NDRG3: variants seen among roughly 807,000 people sequenced by gnomAD.
The protein encoded by NDRG3 is protein NDRG3.
A neutral mutation model predicts 57.2 loss-of-function variants in NDRG3; 23 were observed. The observed-to-expected ratio is 0.40, with a 90% CI of 0.29 to 0.57. NDRG3 has a LOEUF of 0.57. Ranked by LOEUF, NDRG3 falls within the 20% of genes least tolerant of loss-of-function variation. The probability of loss-of-function intolerance (pLI) is 0.42; values close to 1 mark genes in which losing one functional copy is unlikely to be tolerated. For synonymous variants in NDRG3, 132 were observed against 162.6 expected, an observed-to-expected ratio of 0.81 and a Z score of 1.43; for missense variants, 384 against 457.3, an observed-to-expected ratio of 0.84 and a Z score of 1.46.
intron 15 of NDRG3, chr20:36,654,831 C>T (rs370271701): frequency 2.6e-6 from 2 of 779,656 alleles, no homozygotes; most frequent in Non-Finnish European, 4.8e-6. Flanking sequence ...CTGAGCTGCA[C>T]ATACGGGACT....
intron 5 of NDRG3, among the ~76,000 whole-genome samples, chr20:36,686,178 A>G (rs1981773127): frequency 6.6e-6 from 1 of 152,190 alleles, no homozygotes; most frequent in African/African-American, 2.4e-5. Flanking sequence ...AAAATAGAAA[A>G]AAGGAACTGG....
intron 12 of NDRG3, among the ~76,000 whole-genome samples, chr20:36,662,394 T>C (rs1342070519): frequency 6.6e-6 from 1 of 152,012 alleles, no homozygotes; most frequent in Non-Finnish European, 1.5e-5. Context: ...GTTTTTGTAT[T>C]TTTAGTAGAG....
intron 2 of NDRG3, among the ~76,000 whole-genome samples, chr20:36,719,665 A>G (rs759068422): frequency 4.0e-5 from 6 of 151,038 alleles, no homozygotes; most frequent in Non-Finnish European, 8.8e-5. Flanking sequence ...TGTCACCCGC[A>G]CACCCCCCCT....
intron 9 of NDRG3, among the ~76,000 whole-genome samples, chr20:36,669,624 T>C (rs999333744): frequency 2.0e-5 from 3 of 151,958 alleles, no homozygotes; most frequent in Non-Finnish European, 4.4e-5. Flanking sequence ...CTTGGCCTCC[T>C]AAAGTGCTGG....
chr20:36,669,235 T>A (rs1323653895), intron 9 of NDRG3, among the ~76,000 whole-genome samples: 1 of 151,654 alleles, frequency 6.6e-6, no homozygotes, highest in Non-Finnish European at 1.5e-5. Flanking sequence ...TTTGTATTTT[T>A]TTTTTTTTTC....
intron 3 of NDRG3, among the ~76,000 whole-genome samples, chr20:36,704,016 G>A (rs1983402653): frequency 1.3e-5 from 2 of 151,750 alleles, no homozygotes; most frequent in Admixed American, 6.6e-5. Context: ...TTTACTTTTT[G>A]GTGTTTTCTC....
chr20:36,692,350 A>C (rs1982333946), intron 3 of NDRG3, among the ~76,000 whole-genome samples: 1 of 152,122 alleles, frequency 6.6e-6, no homozygotes, highest in Non-Finnish European at 1.5e-5. Flanking sequence ...CAGTCTCCCA[A>C]GTAGCTGGGA....
intron 1 of NDRG3, among the ~76,000 whole-genome samples, chr20:36,735,749 G>C (rs1293133969): frequency 2.0e-5 from 3 of 152,074 alleles, no homozygotes; most frequent in Admixed American, 2.0e-4. Context: ...AGCACTTTGG[G>C]AGGCTGAGGT....
At chr20:36,705,937 G>A (rs1486025915) in intron 3 of NDRG3, among the ~76,000 whole-genome samples, 1 of 151,992 alleles carries the variant, frequency 6.6e-6, no homozygotes, top group Non-Finnish European at 1.5e-5. Flanking sequence ...TAGAGATGGG[G>A]TTTCACTGCG....
At chr20:36,672,144 T>A (rs1405203427) in intron 8 of NDRG3, among the ~76,000 whole-genome samples, 3 of 152,214 alleles carry the variant, frequency 2.0e-5, no homozygotes, top group Non-Finnish European at 4.4e-5. Context: ...CTATCTTCAT[T>A]TCAGGGAGTG....
chr20:36,665,078 C>A lies in NDRG3; in HGVS notation c.778G>T (p.Val260Leu). ...TCAACTGCAGGCGAATTGTCCCCTA[C>A]CACCAGTAAAGTAGAACACCTAGGT... Reference protein sequence around the residue: ...KTLKCSTLLVVGDNSPAVEAV... With the variant: ...KTLKCSTLLVLGDNSPAVEAV... The change falls in exon 12 of 16, where the codon GTA becomes TTA. Residue 260 changes from valine (V) to leucine (L), a missense_variant. Physicochemically the swap from Val to Leu is conservative, Grantham distance 32 (BLOSUM62 1). Transcript: ENST00000349004. 2 of 1,614,136 alleles carry A rather than the reference C, an allele frequency of 1.2e-6. No individual in the cohort carries two copies. Among genetic ancestry groups the A allele is most frequent in the Non-Finnish European group, 1.7e-6 (2 of 1,180,002 alleles).
chr20:36,699,694 G>A (rs973157347), intron 3 of NDRG3, among the ~76,000 whole-genome samples: 2 of 140,264 alleles, frequency 1.4e-5, no homozygotes, highest in African/African-American at 5.0e-5. Context: ...TGGTGGTAGG[G>A]TGTGTGTGTG....
intron 1 of NDRG3, among the ~76,000 whole-genome samples, chr20:36,725,665 T>C (rs909827860): frequency 6.6e-6 from 1 of 151,570 alleles, no homozygotes; most frequent in African/African-American, 2.4e-5. Context: ...ACAGATAATT[T>C]ACTCATTGTC....
chr20:36,656,217 T>G, intron 15 of NDRG3, 143 bp downstream of exon 15: 2 of 659,742 alleles, frequency 3.0e-6, no homozygotes, highest in South Asian at 4.2e-5. Context: ...GACAAATGAA[T>G]GTTCCATAAA....
chr20:36,702,374 G>A (rs1231620799), intron 3 of NDRG3, among the ~76,000 whole-genome samples: 2 of 152,138 alleles, frequency 1.3e-5, no homozygotes, highest in African/African-American at 4.8e-5. Flanking sequence ...CTGACCTCAT[G>A]ATCCGCCCAC....
intron 8 of NDRG3, among the ~76,000 whole-genome samples, chr20:36,677,272 C>A (rs756269890): frequency 1.3e-5 from 2 of 152,160 alleles, no homozygotes; most frequent in African/African-American, 4.8e-5. Flanking sequence ...ATGAATGGAG[C>A]GGGACGCAGG....
chr20:36,675,558 G>A (rs1255820486), intron 8 of NDRG3, among the ~76,000 whole-genome samples: 1 of 151,850 alleles, frequency 6.6e-6, no homozygotes, highest in African/African-American at 2.4e-5. Flanking sequence ...GGCACATTTT[G>A]TATTTTTAGT....
At position 36,671,910 on chromosome 20, in the gene NDRG3, G is replaced by A. The variant is rs1980207684; in HGVS notation, c.532-513C>T. On this transcript the variant is annotated intron_variant, in intron 8 of 15. Coordinates refer to ENST00000349004, the MANE Select transcript of NDRG3 (RefSeq NM_032013.4). ...AAGTCAGAAAAACTAAGTCTCCTTT[G>A]CAGGGTAATAATAAAGCCTGCTATG... Among the ~76,000 whole-genome samples the A allele has an allele frequency of 2.6e-5, 4 of 152,092 alleles. 1 individual carries two copies. Among genetic ancestry groups the A allele is most frequent in the South Asian group, 4.1e-4 (2 of 4,826 alleles).
intron 3 of NDRG3, among the ~76,000 whole-genome samples, chr20:36,689,714 G>C (rs1447451670): frequency 2.5e-5 from 3 of 121,920 alleles, no homozygotes; most frequent in African/African-American, 1.0e-4. Flanking sequence ...TTGGAACTAA[G>C]AGATTTTTTT....
Sources: allele counts gnomAD v4.1 joint callset (sites outside exome capture counted in the v4.1 genomes callset), GRCh38; gene constraint gnomAD v4.1.1; transcripts MANE v1.5; gene names NCBI Gene and HGNC (gene_info 2026-07-23, HGNC 2026-07-21).